Variants in GSDMC observed in about 807,000 individuals in gnomAD.
GSDMC encodes the protein gasdermin C.
GSDMC carries 59 observed loss-of-function variants against 58.0 expected under a neutral mutation model. The observed-to-expected ratio is 1.02, with a 90% CI of 0.82 to 1.26. GSDMC has a LOEUF of 1.26. GSDMC is among the 50% of genes most tolerant of loss of function. The pLI is 0.00. For synonymous variants in GSDMC, 241 were observed against 220.2 expected (o/e 1.09, Z -0.83); for missense variants, 659 against 598.5 (o/e 1.10, Z -1.06).
intron 6 of GSDMC, among the ~76,000 whole-genome samples, chr8:129,753,719 G>C (rs1334484988): frequency 1.3e-5 from 2 of 152,184 alleles, no homozygotes; most frequent in African/African-American, 4.8e-5. Flanking sequence ...CCAGGCCTAG[G>C]GTCTTCAACA....
At chr8:129,744,333 A>C (rs1052986170), downstream of GSDMC, among the ~76,000 whole-genome samples, 1 of 152,212 alleles carries the variant, frequency 6.6e-6, no homozygotes, top group African/African-American at 2.4e-5. Flanking sequence ...AAAGCTATTT[A>C]ATCAAGCTAA....
the GSDMC span, among the ~76,000 whole-genome samples, chr8:129,742,280 CA>C: frequency 6.6e-6 from 1 of 151,714 alleles, no homozygotes; most frequent in Non-Finnish European, 1.5e-5. Context: ...TGCCCCATCA[CA>C]AAAAATGATG....
chr8:129,729,871 C>A, the GSDMC span: 1 of 924,016 alleles, frequency 1.1e-6, no homozygotes, highest in Non-Finnish European at 1.8e-6. Context: ...TGACTGTAAG[C>A]AGTATTGCCC....
rs764604422 is a variant in GSDMC at position 129,750,053 on chromosome 8, C to A, written c.1150G>T (p.Asp384Tyr). 3.1e-6 allele frequency: 5 copies of A among 1,610,856 alleles called. No homozygotes were observed. In the South Asian group the frequency reaches 4.4e-5, roughly 14 times the overall value. Residue 384 changes from aspartate (D) to tyrosine (Y), a missense_variant, in exon 12 of 14, where the codon GAT (aspartate) becomes TAT (tyrosine). Asp to Tyr is a radical substitution (Grantham distance 160). Coordinates refer to ENST00000276708, the MANE Select transcript of GSDMC (RefSeq NM_031415.3). ...GGAILKKLQQ[D>Y]SNHAWFNPKD... ...GGGTTAAACCATGCATGGTTTGAATCCTGTTGAAGTTTCTTTAGGATGGCA... is the reference window on the plus strand; with the variant it reads ...GGGTTAAACCATGCATGGTTTGAATACTGTTGAAGTTTCTTTAGGATGGCA...
the GSDMC span, among the ~76,000 whole-genome samples, chr8:129,738,696 C>G: frequency 6.6e-6 from 1 of 152,036 alleles, no homozygotes; most frequent in Non-Finnish European, 1.5e-5. Context: ...AGGAGAAGTA[C>G]CTAATGTAAA....
At chr8:129,721,887 G>A in the GSDMC span, among the ~76,000 whole-genome samples, 22 of 152,036 alleles carry the variant, frequency 1.4e-4, no homozygotes, top group African/African-American at 5.3e-4. Context: ...TTTCTCCTTG[G>A]CCAGACCTAG....
chr8:129,773,734 C>T (rs1410445726), intron 3 of GSDMC, among the ~76,000 whole-genome samples: 1 of 145,284 alleles, frequency 6.9e-6, no homozygotes, highest in African/African-American at 2.5e-5. Context: ...TGCAGTGAGC[C>T]GAGATCACGC....
chr8:129,729,547 G>A, the GSDMC span, among the ~76,000 whole-genome samples: 9 of 152,004 alleles, frequency 5.9e-5, no homozygotes, highest in African/African-American at 2.2e-4. Context: ...ACCTGTAAGT[G>A]AGAACATGTG....
At chr8:129,729,058 A>G in the GSDMC span, 15 of 637,842 alleles carry the variant, frequency 2.4e-5, 1 homozygote, top group East Asian at 4.3e-4. Context: ...ACTTTGTGTC[A>G]AAAAGAAATA....
intron 6 of GSDMC, 193 bp from the exon 7 acceptor site, chr8:129,753,013 A>C: frequency 2.9e-6 from 3 of 1,022,230 alleles, no homozygotes; most frequent in Non-Finnish European, 4.1e-6. Flanking sequence ...CAAGCCTTGC[A>C]AATGCCAGCC....
chr8:129,727,856 G>A, the GSDMC span, among the ~76,000 whole-genome samples: 23 of 152,194 alleles, frequency 1.5e-4, no homozygotes, highest in Non-Finnish European at 1.8e-4. Flanking sequence ...CAGGTCTGGG[G>A]CAGAAGAAAA....
the GSDMC span, among the ~76,000 whole-genome samples, chr8:129,709,115 A>G: frequency 2.0e-5 from 3 of 151,976 alleles, no homozygotes; most frequent in Admixed American, 6.5e-5. Flanking sequence ...GAAAGTCCTG[A>G]ACAAATATTA....
At chr8:129,752,860 C>A (rs779715041) in intron 6 of GSDMC, 40 bp from the exon 7 acceptor site, 1 of 1,613,406 alleles carries the variant, frequency 6.2e-7, no homozygotes, top group Non-Finnish European at 8.5e-7. Context: ...GGTAACTTTA[C>A]ATTGAACTCA....
At chr8:129,740,895 G>A in the GSDMC span, among the ~76,000 whole-genome samples, 12 of 152,142 alleles carry the variant, frequency 7.9e-5, no homozygotes, top group Admixed American at 7.2e-4. Flanking sequence ...TGCTTTCGGA[G>A]TTCTACCCAA....
intron 11 of GSDMC, 61 bp downstream of exon 11, chr8:129,750,370 A>G (rs74682344): frequency 0.028 from 42,527 of 1,500,494 alleles, 726 homozygotes; most frequent in Non-Finnish European, 0.034. Flanking sequence ...TGGGAGTCAT[A>G]TCTCCTAACC....
At chr8:129,753,685 A>G (rs2033314529) in intron 6 of GSDMC, among the ~76,000 whole-genome samples, 1 of 152,232 alleles carries the variant, frequency 6.6e-6, no homozygotes, top group South Asian at 2.1e-4. Context: ...TAGTGCACCA[A>G]GCAGGCTCTT....
At chr8:129,778,544 T>A (rs2034315581) in intron 1 of GSDMC, among the ~76,000 whole-genome samples, 1 of 152,076 alleles carries the variant, frequency 6.6e-6, no homozygotes, top group African/African-American at 2.4e-5. Flanking sequence ...ATTCTGGACA[T>A]AGGAACTGGC....
chr8:129,721,773 A>C, the GSDMC span, among the ~76,000 whole-genome samples: 1 of 152,186 alleles, frequency 6.6e-6, no homozygotes, highest in Non-Finnish European at 1.5e-5. Flanking sequence ...TTGGGTTTAC[A>C]TCCTACCAAC....
chr8:129,708,054 G>A, the GSDMC span, among the ~76,000 whole-genome samples: 6 of 152,138 alleles, frequency 3.9e-5, no homozygotes, highest in Non-Finnish European at 7.4e-5. Context: ...GAGGTACTGT[G>A]GACACCCATA....
Sources: allele counts gnomAD v4.1 joint callset (sites outside exome capture counted in the v4.1 genomes callset), GRCh38; gene constraint gnomAD v4.1.1; transcripts MANE v1.5; gene names NCBI Gene and HGNC (gene_info 2026-07-23, HGNC 2026-07-21).